Variants in BRSK2 observed in about 807,000 individuals in gnomAD.
BRSK2 encodes the protein serine/threonine-protein kinase BRSK2.
BRSK2 carries 19 observed loss-of-function variants against 83.3 expected under a neutral mutation model. The observed-to-expected ratio is 0.23, with a 90% CI of 0.16 to 0.33. The LOEUF is 0.33. BRSK2 is among the 10% of genes least tolerant of loss of function. BRSK2 has a pLI of 1.00. For missense variants in BRSK2, 798 were observed against 1,042.3 expected (o/e 0.77, Z 3.23); for synonymous variants, 519 against 435.4 (o/e 1.19, Z -2.39).
At chr11:1,440,496 C>T (rs1011655968) in intron 3 of BRSK2, among the ~76,000 whole-genome samples, 1 of 152,152 alleles carries the variant, frequency 6.6e-6, no homozygotes, top group African/African-American at 2.4e-5. Context: ...GGGTTCCAAA[C>T]CCTCCCTGGC....
intron 1 of BRSK2, among the ~76,000 whole-genome samples, chr11:1,425,766 C>T (rs1403212117): frequency 2.6e-5 from 4 of 152,174 alleles, no homozygotes; most frequent in Non-Finnish European, 4.4e-5. Flanking sequence ...CCCTTCTGGG[C>T]GAGGGTGGGT....
chr11:1,396,174 C>T lies in BRSK2; in HGVS notation c.91+5799C>T, dbSNP rs555107173. On this transcript the variant is annotated intron_variant, in intron 1 of 19. Coordinates refer to ENST00000528841, the MANE Select transcript of BRSK2 (RefSeq NM_001256627.2). ...GGTGTGTGTGGACCCCTGCGTCCCC[C>T]GCTCCTCGTCTCTCTTCCCTTCCAC... 1.2e-3 allele frequency among the ~76,000 whole-genome samples: 181 copies of T among 151,532 alleles called. 1 individual carries two copies. The highest frequency in any genetic ancestry group is 6.8e-3 in the Middle Eastern group (2 of 294).
At chr11:1,413,489 C>G (rs1437523388) in intron 1 of BRSK2, among the ~76,000 whole-genome samples, 1 of 152,184 alleles carries the variant, frequency 6.6e-6, no homozygotes, top group Non-Finnish European at 1.5e-5. Context: ...GTGGAGGGGC[C>G]CTGTGCCCAG....
intron 18 of BRSK2, among the ~76,000 whole-genome samples, chr11:1,458,148 C>T (rs532392672): frequency 6.6e-6 from 1 of 152,062 alleles, no homozygotes; most frequent in Non-Finnish European, 1.5e-5. Context: ...CAGAAACGGG[C>T]CCCGGGGTAC....
At chr11:1,447,964 C>A in intron 12 of BRSK2, 1 of 1,181,302 alleles carries the variant, frequency 8.5e-7, no homozygotes, top group Non-Finnish European at 1.2e-6. Context: ...GCGGGCTGGG[C>A]TGCAGGGCTC....
intron 1 of BRSK2, among the ~76,000 whole-genome samples, chr11:1,394,093 CTGGAGATGGGCCA>C (rs1280556691): frequency 2.4e-5 from 3 of 123,458 alleles, no homozygotes; most frequent in East Asian, 2.5e-4. Flanking sequence ...AGATGGGTCC[CTGGAGATGGGCCA>C]TGGAGATGGG....
Position 1,456,405 on chromosome 11 carries a change from G to A in BRSK2, c.1726G>A (p.Ala576Thr). 1 of 1,600,776 alleles carries A rather than the reference G, an allele frequency of 6.2e-7. No homozygotes were observed. Among genetic ancestry groups the A allele is most frequent in the Non-Finnish European group, 8.5e-7 (1 of 1,174,436 alleles). The change falls in exon 17 of 20, where the codon GCC becomes ACC. Residue 576 changes from alanine (A) to threonine (T), a missense_variant. Physicochemically the swap from Ala to Thr is moderately conservative, Grantham distance 58. Around this residue, in one of 6 missense-constraint regions of BRSK2, gnomAD observed 455 missense variants for 455.2 expected, o/e 1.00. Coordinates refer to ENST00000528841, the MANE Select transcript of BRSK2 (RefSeq NM_001256627.2). ...AACGAGCTTCCGGGCCGAGTACAAG[G>A]CCACGGGGGGGCCAGCCGTGTTCCA... ...SQTSFRAEYK[A>T]TGGPAVFQKP...
intron 16 of BRSK2, among the ~76,000 whole-genome samples, chr11:1,455,928 C>T (rs1279665771): frequency 1.4e-5 from 2 of 146,284 alleles, no homozygotes; most frequent in Admixed American, 6.8e-5. Flanking sequence ...CAGGAGGGCA[C>T]AGCCCCAGCC....
chr11:1,450,975 C>T (rs1345136634), intron 14 of BRSK2, among the ~76,000 whole-genome samples, 181 bp downstream of exon 14: 1 of 152,230 alleles, frequency 6.6e-6, no homozygotes, highest in Non-Finnish European at 1.5e-5. Context: ...CTACCTGTCG[C>T]ACAGGCTGGT....
Position 1,461,179 on chromosome 11 carries a change from C to T in BRSK2, c.*456C>T. ...CCAGGCTCGGGGGAGCCTCCTCCAG[C>T]CCGGCCGACCCGGACTCCCGGTCAC... On this transcript the variant is annotated 3_prime_UTR_variant, in exon 20 of 20. Coordinates refer to ENST00000528841, the MANE Select transcript of BRSK2 (RefSeq NM_001256627.2). 2.5e-6 allele frequency: 2 copies of T among 816,316 alleles called. No homozygotes were observed. The highest frequency in any genetic ancestry group is 3.7e-6 in the Non-Finnish European group (2 of 543,612). 50.6% of individuals were successfully genotyped at this position (816,316 alleles called of 1,614,324 possible). A position where few individuals can be genotyped will look rare whatever the true frequency, so the allele number is the denominator to read the frequency against.
At chr11:1,457,001 G>A in intron 18 of BRSK2, 1 of 1,596,790 alleles carries the variant, frequency 6.3e-7, no homozygotes, top group African/African-American at 1.3e-5. Context: ...CTGGGCTTAA[G>A]GGCCAGAAGG....
intron 1 of BRSK2, among the ~76,000 whole-genome samples, chr11:1,419,670 G>C (rs1026957642): frequency 6.6e-6 from 1 of 152,184 alleles, no homozygotes; most frequent in South Asian, 2.1e-4. Flanking sequence ...CAGCACTTTG[G>C]GGGGCCATGG....
At chr11:1,403,655 C>A (rs1226195004) in intron 1 of BRSK2, among the ~76,000 whole-genome samples, 1 of 152,192 alleles carries the variant, frequency 6.6e-6, no homozygotes, top group Non-Finnish European at 1.5e-5. Flanking sequence ...TGTCTGACAG[C>A]CCCCTTAGGT....
Position 1,454,689 on chromosome 11 carries a change from G to A in BRSK2, c.1668+81G>A, listed in dbSNP as rs530048337. 114 of 1,555,734 alleles carry A rather than the reference G, an allele frequency of 7.3e-5. No homozygotes were observed. The East Asian group carries it at 1.6e-3, about 22-fold the overall frequency. Reference sequence around the variant, plus strand: ...AGCCCCGAGAATCCAGCCTCCTCACGTAGACAGGACATGTCCACGCGCACA... The same window carrying A: ...AGCCCCGAGAATCCAGCCTCCTCACATAGACAGGACATGTCCACGCGCACA... On this transcript the variant is annotated intron_variant, in intron 16 of 19. Transcript: ENST00000528841. The surrounding 1 kb of genome is among the most constrained non-coding windows in gnomAD (Gnocchi z 5.2).
In BRSK2 at chr11:1,436,035, C is replaced by G. The variant is rs371770653; in HGVS notation, c.92-5C>G. On this transcript the variant is annotated splice_polypyrimidine_tract_variant and splice_region_variant and intron_variant, in intron 1 of 19. Transcript: ENST00000528841. ...GGTCTGAGCGCGGCTGCTTCTCTCC[C>G]GCAGGTCTGGTGAAGCTGGGGGTTC... 6.2e-7 allele frequency: 1 copy of G among 1,601,984 alleles called. No individual in the cohort carries two copies. The highest frequency in any genetic ancestry group is 8.5e-7 in the Non-Finnish European group (1 of 1,174,762).
At chr11:1,399,021 C>T (rs1846299323) in intron 1 of BRSK2, among the ~76,000 whole-genome samples, 1 of 152,204 alleles carries the variant, frequency 6.6e-6, no homozygotes, top group African/African-American at 2.4e-5. Context: ...TTCTTGCACA[C>T]AGGGTTTGCA....
At chr11:1,460,280 G>GC (rs1847260002) in intron 19 of BRSK2, among the ~76,000 whole-genome samples, 1 of 152,064 alleles carries the variant, frequency 6.6e-6, no homozygotes, top group African/African-American at 2.4e-5. Flanking sequence ...AGCGTACAGG[G>GC]CCCCTGCCGG....
At chr11:1,413,008 G>A (rs1281782155) in intron 1 of BRSK2, among the ~76,000 whole-genome samples, 3 of 152,106 alleles carry the variant, frequency 2.0e-5, no homozygotes, top group East Asian at 1.9e-4. Flanking sequence ...CGCTGCCCCC[G>A]GCACCCCAGG....
At chr11:1,449,044 T>C (rs1263910329) in intron 12 of BRSK2, among the ~76,000 whole-genome samples, 1 of 152,356 alleles carries the variant, frequency 6.6e-6, no homozygotes. Context: ...CAGCTGCCAC[T>C]GTCTGGGCAC....
Sources: allele counts gnomAD v4.1 joint callset (sites outside exome capture counted in the v4.1 genomes callset), GRCh38; gene constraint gnomAD v4.1.1; regional missense constraint gnomAD v4.1.1; non-coding constraint Gnocchi (gnomAD v3.1); transcripts MANE v1.5; gene names NCBI Gene and HGNC (gene_info 2026-07-23, HGNC 2026-07-21).